FREM1: variants seen among roughly 807,000 people sequenced by gnomAD.
FREM1 encodes the protein FRAS1-related extracellular matrix protein 1.
Under a neutral mutation model 210.1 loss-of-function variants are expected in FREM1, and 220 were observed. The observed-to-expected ratio is 1.05, with a 90% CI of 0.94 to 1.17. The LOEUF is 1.17. Ranked by LOEUF, FREM1 falls within the 50% of genes most tolerant of loss-of-function variation. The probability of loss-of-function intolerance (pLI) is 0.00; values close to 1 mark genes in which losing one functional copy is unlikely to be tolerated. For synonymous variants in FREM1, 1,189 were observed against 980.2 expected, an observed-to-expected ratio of 1.21 and a Z score of -3.98; for missense variants, 3,454 against 2,675.5, an observed-to-expected ratio of 1.29 and a Z score of -6.42.
At chr9:14,835,771 A>G (rs1008989839) in intron 10 of FREM1, among the ~76,000 whole-genome samples, 1 of 152,252 alleles carries the variant, frequency 6.6e-6, no homozygotes, top group Non-Finnish European at 1.5e-5. Flanking sequence ...ACTTTATGCA[A>G]ATAATCAGGC....
At chr9:14,838,827 A>G (rs987027684) in intron 10 of FREM1, among the ~76,000 whole-genome samples, 2 of 152,334 alleles carry the variant, frequency 1.3e-5, no homozygotes, top group African/African-American at 4.8e-5. Context: ...AGAAAGTTCA[A>G]CAACAAAGAT....
At chr9:14,860,798 CACATATATACATATATACACATATAT>C (rs1829918301) in intron 3 of FREM1, among the ~76,000 whole-genome samples, 1 of 91,118 alleles carries the variant, frequency 1.1e-5, no homozygotes, top group African/African-American at 4.0e-5. Context: ...TACATATATA[CACATATATACATATATACACATATAT>C]ACATATATAC....
At chr9:14,778,348 C>A (rs1848978302) in intron 24 of FREM1, among the ~76,000 whole-genome samples, 1 of 84,392 alleles carries the variant, frequency 1.2e-5, no homozygotes, top group Non-Finnish European at 2.7e-5. Context: ...CAGTGGCTCA[C>A]ACCTGTAAAC....
At chr9:14,739,163 G>A (rs1057339237) in intron 36 of FREM1, among the ~76,000 whole-genome samples, 5 of 151,554 alleles carry the variant, frequency 3.3e-5, no homozygotes, top group Non-Finnish European at 7.4e-5. Flanking sequence ...GAATGCAGTG[G>A]CACAATCACG....
intron 36 of FREM1, 66 bp downstream of exon 36, chr9:14,740,083 G>A: frequency 1.1e-6 from 1 of 946,118 alleles, no homozygotes; most frequent in Non-Finnish European, 1.7e-6. Flanking sequence ...GTAGCAGGGT[G>A]GTGGTGCCTG....
chr9:14,889,143 G>C (rs902450004), intron 1 of FREM1, among the ~76,000 whole-genome samples: 22 of 152,226 alleles, frequency 1.4e-4, no homozygotes, highest in African/African-American at 5.1e-4. Flanking sequence ...AAATCCTTAA[G>C]TATAAATCGG....
chr9:14,750,647 T>G (rs983418253), intron 29 of FREM1, among the ~76,000 whole-genome samples: 9 of 152,232 alleles, frequency 5.9e-5, no homozygotes, highest in African/African-American at 2.2e-4. Context: ...TAAAAAATCT[T>G]AAGCTGTTGA....
At chr9:14,888,111 A>G (rs1405632744) in intron 1 of FREM1, among the ~76,000 whole-genome samples, 1 of 152,182 alleles carries the variant, frequency 6.6e-6, no homozygotes, top group Non-Finnish European at 1.5e-5. Context: ...ACCAACATTT[A>G]TACGTGTTTA....
chr9:14,747,104 C>T (rs932684585), intron 33 of FREM1, 53 bp from the exon 34 acceptor site: 51 of 1,610,422 alleles, frequency 3.2e-5, no homozygotes, highest in Non-Finnish European at 4.3e-5. Flanking sequence ...AGGAAAGTTG[C>T]TCACACATTC....
At chr9:14,751,813 T>C (rs1014273827) in intron 29 of FREM1, 1 of 152,044 alleles carries the variant, frequency 6.6e-6, no homozygotes, top group Non-Finnish European at 1.5e-5. Context: ...CAGAAGTCAA[T>C]GGAAAGGTGA....
intron 23 of FREM1, among the ~76,000 whole-genome samples, chr9:14,787,457 C>G (rs1850597520): frequency 6.6e-6 from 1 of 152,166 alleles, no homozygotes; most frequent in Admixed American, 6.6e-5. Flanking sequence ...CACTGGCTAA[C>G]TTTATTTCCT....
At chr9:14,772,883 A>G (rs555042265) in intron 25 of FREM1, among the ~76,000 whole-genome samples, 1 of 152,332 alleles carries the variant, frequency 6.6e-6, no homozygotes, top group South Asian at 2.1e-4. Context: ...TTGGTTTTGG[A>G]TGTTATAATT....
At chr9:14,884,262 G>A (rs1256214047) in intron 1 of FREM1, among the ~76,000 whole-genome samples, 1 of 152,078 alleles carries the variant, frequency 6.6e-6, no homozygotes, top group Non-Finnish European at 1.5e-5. Flanking sequence ...AAAAAAACAA[G>A]AAACAAATCC....
At chr9:14,825,547 G>GTGTGTATATATATATACATATAT in intron 10 of FREM1, among the ~76,000 whole-genome samples, 2 of 75,932 alleles carry the variant, frequency 2.6e-5, no homozygotes, top group African/African-American at 1.1e-4. Flanking sequence ...GTGTGTGTGT[G>GTGTGTATATATATATACATATAT]TATATATATA....
rs749059537 is a variant in FREM1, at chr9:14,759,907, T to A, written c.5205-6A>T. The stretch of plus-strand genomic sequence containing the variant: ...GAGACCACTTCAGTTCCAAACTGTG[T>A]GTGAAAGGAAAAGAGAAATCATGAG... On this transcript the variant is annotated splice_polypyrimidine_tract_variant and splice_region_variant and intron_variant, in intron 27 of 36. Transcript: ENST00000380880. 1.1e-5 allele frequency: 18 copies of A among 1,605,488 alleles called. No individual in the cohort carries two copies. The East Asian group carries it at 4.0e-4, about 36-fold the overall frequency.
At chr9:14,792,272 GCACACACACACACA>G (rs34037291) in intron 22 of FREM1, among the ~76,000 whole-genome samples, 3 of 142,332 alleles carry the variant, frequency 2.1e-5, no homozygotes, top group African/African-American at 8.0e-5. Flanking sequence ...ACACACACAC[GCACACACACACACA>G]CACACACACA....
chr9:14,868,141 A>C (rs1442773247), intron 2 of FREM1, among the ~76,000 whole-genome samples: 1 of 152,210 alleles, frequency 6.6e-6, no homozygotes, highest in African/African-American at 2.4e-5. Context: ...TTAATAGATG[A>C]AACATCTTCA....
intron 35 of FREM1, among the ~76,000 whole-genome samples, chr9:14,742,305 C>T (rs1841713535): frequency 6.6e-6 from 1 of 152,052 alleles, no homozygotes; most frequent in South Asian, 2.1e-4. Flanking sequence ...TAAGGATAGG[C>T]CAGCAGGGGT....
chr9:14,828,168 C>G (rs529748273), intron 10 of FREM1, among the ~76,000 whole-genome samples: 1 of 152,322 alleles, frequency 6.6e-6, no homozygotes, highest in African/African-American at 2.4e-5. Flanking sequence ...ACGCCAACCT[C>G]TGACAGCTGT....
Sources: gnomAD v4.1 joint callset for allele counts (sites outside exome capture counted in the v4.1 genomes callset) on GRCh38, gnomAD v4.1.1 for gene constraint, MANE v1.5 for transcripts, NCBI Gene and HGNC (gene_info 2026-07-23, HGNC 2026-07-21) for gene names.